The following RHOT1 variants were observed in gnomAD, a reference collection of about 807,000 sequenced individuals.
RHOT1 encodes the protein mitochondrial Rho GTPase 1.
A neutral mutation model predicts 95.3 loss-of-function variants in RHOT1; 27 were observed. The observed-to-expected ratio is 0.28, with a 90% CI of 0.21 to 0.39. The LOEUF (loss-of-function observed/expected upper bound fraction) is 0.39, where lower values mean the gene tolerates loss of function less well. Ranked by LOEUF, RHOT1 falls within the 10% of genes least tolerant of loss-of-function variation. RHOT1 has a pLI of 1.00. For missense variants in RHOT1, 578 were observed against 786.7 expected (o/e 0.73, Z 3.17); for synonymous variants, 227 against 263.5 (o/e 0.86, Z 1.34).
rs199500911 is a variant in RHOT1 at position 32,199,390 on chromosome 17, C to G, written c.955-15C>G. ...CTTAGATATCTAAACATTCTGTATC[C>G]TTGTGTTTCTTCAGGATAGAGACTG... On this transcript the variant is annotated splice_polypyrimidine_tract_variant and intron_variant, in intron 12 of 19. Coordinates refer to ENST00000545287, the MANE Select transcript of RHOT1 (RefSeq NM_001033566.3). 7.5e-6 allele frequency: 12 copies of G among 1,599,440 alleles called. No individual in the cohort carries two copies. Among genetic ancestry groups the G allele is most frequent in the Non-Finnish European group, 1.0e-5 (12 of 1,175,468 alleles).
At chr17:32,179,203 G>T (rs1295012450) in intron 6 of RHOT1, 5 of 147,350 alleles carry the variant, frequency 3.4e-5, no homozygotes, top group African/African-American at 1.3e-4. Flanking sequence ...GAAGTGGGGA[G>T]CACCTCTACC....
At chr17:32,172,307 T>A (rs1302675194) in intron 2 of RHOT1, among the ~76,000 whole-genome samples, 1 of 152,254 alleles carries the variant, frequency 6.6e-6, no homozygotes, top group Non-Finnish European at 1.5e-5. Context: ...GTGTATTATT[T>A]GTAGAATCAG....
intron 1 of RHOT1, among the ~76,000 whole-genome samples, chr17:32,149,629 A>ATGTGTGTGTGTGTGTGTG (rs1204046813): frequency 1.1e-3 from 98 of 87,354 alleles, no homozygotes; most frequent in Non-Finnish European, 1.5e-3. Context: ...ATATATATAT[A>ATGTGTGTGTGTGTGTGTG]TATATATGTG....
At chr17:32,221,759 C>T (rs144959394) in intron 19 of RHOT1, among the ~76,000 whole-genome samples, 108 of 152,254 alleles carry the variant, frequency 7.1e-4, no homozygotes, top group African/African-American at 2.6e-3. Context: ...CTATATTGAT[C>T]TTGAAATGCA....
chr17:32,146,848 A>T (rs913803600), intron 1 of RHOT1, among the ~76,000 whole-genome samples: 4 of 149,162 alleles, frequency 2.7e-5, no homozygotes, highest in African/African-American at 9.9e-5. Context: ...TCAGCCTCCC[A>T]AGTAGCTGGG....
intron 19 of RHOT1, among the ~76,000 whole-genome samples, 186 bp from the exon 20 acceptor site, chr17:32,224,430 T>G (rs1242649496): frequency 6.6e-6 from 1 of 152,246 alleles, no homozygotes; most frequent in Non-Finnish European, 1.5e-5. Flanking sequence ...TTGTGTCATT[T>G]TCTTAAAGTA....
intron 1 of RHOT1, among the ~76,000 whole-genome samples, chr17:32,149,635 A>ATATATGTGTGTGTGTGTGTG (rs1445281403): frequency 1.4e-4 from 8 of 59,082 alleles, no homozygotes; most frequent in African/African-American, 2.7e-4. Context: ...ATATATATAT[A>ATATATGTGTGTGTGTGTGTG]TGTGTGTGTG....
At chr17:32,205,823 G>A (rs2037681833) in intron 16 of RHOT1, among the ~76,000 whole-genome samples, 1 of 152,116 alleles carries the variant, frequency 6.6e-6, no homozygotes, top group Admixed American at 6.6e-5. Flanking sequence ...TGGGATTACA[G>A]GTGTGAGCCA....
intron 16 of RHOT1, among the ~76,000 whole-genome samples, chr17:32,206,560 T>C (rs1253331690): frequency 1.4e-5 from 2 of 146,788 alleles, no homozygotes; most frequent in African/African-American, 5.0e-5. Context: ...CATGCCATTC[T>C]CCTGCCTCAG....
chr17:32,189,091 T>G (rs1366432699), intron 8 of RHOT1, among the ~76,000 whole-genome samples: 2 of 152,082 alleles, frequency 1.3e-5, no homozygotes, highest in Admixed American at 6.5e-5. Context: ...TGAGGTAGGA[T>G]ATCGAGACCA....
chr17:32,142,990 C>T, intron 1 of RHOT1: 1 of 707,734 alleles, frequency 1.4e-6, no homozygotes, highest in South Asian at 1.5e-5. Context: ...AGCCGTCCTC[C>T]CAAGCCATGT....
intron 19 of RHOT1, 139 bp from the exon 20 acceptor site, chr17:32,224,477 A>G (rs920176035): frequency 6.1e-6 from 3 of 494,710 alleles, no homozygotes; most frequent in Non-Finnish European, 1.1e-5. Flanking sequence ...ATATTGATCA[A>G]TGTTTTTGAT....
At chr17:32,189,380 C>T (rs912068859) in intron 8 of RHOT1, among the ~76,000 whole-genome samples, 19 of 152,176 alleles carry the variant, frequency 1.2e-4, no homozygotes, top group African/African-American at 4.6e-4. Flanking sequence ...ATTTATGATA[C>T]AGGAAATTTG....
At chr17:32,160,699 T>C (rs2033456021) in intron 1 of RHOT1, among the ~76,000 whole-genome samples, 1 of 152,112 alleles carries the variant, frequency 6.6e-6, no homozygotes, top group African/African-American at 2.4e-5. Context: ...CGCAGGGAGA[T>C]GGTGCCCAAG....
intron 1 of RHOT1, chr17:32,150,969 G>C (rs2032208891): frequency 2.6e-6 from 4 of 1,541,794 alleles, no homozygotes; most frequent in Non-Finnish European, 3.5e-6. Flanking sequence ...TGCTGCTGCT[G>C]CTGCTGCTGC....
chr17:32,153,584 A>G (rs765319742), intron 1 of RHOT1, among the ~76,000 whole-genome samples: 20 of 152,250 alleles, frequency 1.3e-4, no homozygotes, highest in Non-Finnish European at 2.5e-4. Flanking sequence ...CACTTGAGCC[A>G]GGAGTTCAAA....
At chr17:32,142,759 AGTCCCTGCCCTCCCT>A in intron 1 of RHOT1, 30 bp downstream of exon 1, 3 of 1,492,876 alleles carry the variant, frequency 2.0e-6, no homozygotes, top group Non-Finnish European at 2.7e-6. Context: ...CCGGCCCCTG[AGTCCCTGCCCTCCCT>A]GCCCCTGCAG....
chr17:32,186,094 G>A (rs1352086479), intron 8 of RHOT1, among the ~76,000 whole-genome samples: 3 of 152,088 alleles, frequency 2.0e-5, no homozygotes, highest in African/African-American at 7.2e-5. Context: ...TTTGACATAC[G>A]GAGGAACCAG....
intron 11 of RHOT1, among the ~76,000 whole-genome samples, chr17:32,198,294 T>C (rs1360621277): frequency 2.0e-5 from 3 of 152,194 alleles, no homozygotes; most frequent in African/African-American, 7.2e-5. Flanking sequence ...TTCAACTCAT[T>C]ACAATATTGG....
Sources: allele counts gnomAD v4.1 joint callset (sites outside exome capture counted in the v4.1 genomes callset), GRCh38; gene constraint gnomAD v4.1.1; transcripts MANE v1.5; gene names NCBI Gene and HGNC (gene_info 2026-07-23, HGNC 2026-07-21).